The following SORCS1 variants were observed in gnomAD, a reference collection of about 807,000 sequenced individuals.
The protein encoded by SORCS1 is VPS10 domain-containing receptor SorCS1.
SORCS1 carries 60 observed loss-of-function variants against 146.1 expected under a neutral mutation model. The ratio of observed to expected loss-of-function variants is 0.41; its 90% confidence interval spans 0.33 to 0.51. SORCS1 has a LOEUF of 0.51. Ranked by LOEUF, SORCS1 falls within the 20% of genes least tolerant of loss-of-function variation. The pLI, the probability that SORCS1 is intolerant of heterozygous loss-of-function variation, is 0.21. For synonymous variants in SORCS1, 637 were observed against 584.0 expected (o/e 1.09, Z -1.31); for missense variants, 1,352 against 1,487.6 (o/e 0.91, Z 1.50).
chr10:106,720,541 TGA>T (rs1175958072), intron 6 of SORCS1, among the ~76,000 whole-genome samples: 1 of 147,062 alleles, frequency 6.8e-6, no homozygotes, highest in Non-Finnish European at 1.5e-5. Flanking sequence ...AGAAAATATG[TGA>T]GTAAATGCCG....
At chr10:106,996,213 C>A (rs957801864) in intron 1 of SORCS1, among the ~76,000 whole-genome samples, 1 of 133,066 alleles carries the variant, frequency 7.5e-6, no homozygotes, top group South Asian at 2.3e-4. Context: ...GGCGACAGAG[C>A]GAGACTCCAT....
chr10:106,982,708 G>A (rs917141915), intron 1 of SORCS1, among the ~76,000 whole-genome samples: 3 of 152,118 alleles, frequency 2.0e-5, no homozygotes, highest in African/African-American at 7.2e-5. Context: ...AAAAGATACA[G>A]CCAGGATGAT....
chr10:106,960,521 C>G lies in SORCS1; in HGVS notation c.559-3941G>C, dbSNP rs1053733061. Among the ~76,000 whole-genome samples the G allele has an allele frequency of 4.6e-5, 7 of 152,012 alleles. No individual in the cohort carries two copies. Among genetic ancestry groups the G allele is most frequent in the African/African-American group, 1.7e-4 (7 of 41,368 alleles). On this transcript the variant is annotated intron_variant, in intron 1 of 25. Transcript: ENST00000263054. This position sits in a 1 kb window ranked among gnomAD's most constrained non-coding sequence, Gnocchi z 4.4. ...ACAGGTTCAAGCAATTCTCCTGCCT[C>G]AGCCTCCCGAGTAGCTGAGACTACA...
chr10:106,822,399 G>C (rs1343344891), intron 3 of SORCS1, among the ~76,000 whole-genome samples: 2 of 152,108 alleles, frequency 1.3e-5, no homozygotes, highest in Non-Finnish European at 2.9e-5. Context: ...GGACTTCTTG[G>C]AGTGACAAGG....
intron 1 of SORCS1, among the ~76,000 whole-genome samples, chr10:106,983,850 A>T (rs1198552243): frequency 1.3e-5 from 2 of 152,198 alleles, no homozygotes; most frequent in Admixed American, 6.5e-5. Flanking sequence ...CAATTGTGGG[A>T]AATTTTCTAG....
At chr10:106,873,348 T>A in intron 2 of SORCS1, among the ~76,000 whole-genome samples, 1 of 152,034 alleles carries the variant, frequency 6.6e-6, no homozygotes, top group East Asian at 1.9e-4. Context: ...ATTTCCTTGA[T>A]ATTTATATTC....
the SORCS1 span, among the ~76,000 whole-genome samples, chr10:107,174,568 T>G: frequency 6.6e-6 from 1 of 152,086 alleles, no homozygotes; most frequent in African/African-American, 2.4e-5. Context: ...GTGACTATGA[T>G]CTCTTTATCT....
chr10:106,742,667 A>G (rs142943489), intron 5 of SORCS1, among the ~76,000 whole-genome samples: 111 of 152,310 alleles, frequency 7.3e-4, no homozygotes, highest in African/African-American at 2.6e-3. Context: ...GGTGTGAGTC[A>G]CCACGCCTGG....
chr10:106,717,201 C>A (rs1564891835), intron 6 of SORCS1, among the ~76,000 whole-genome samples: 3 of 152,174 alleles, frequency 2.0e-5, no homozygotes, highest in Admixed American at 1.3e-4. Flanking sequence ...ATTTTAAAGC[C>A]CATACAAGCG....
At chr10:106,900,217 G>A in intron 2 of SORCS1, among the ~76,000 whole-genome samples, 1 of 152,110 alleles carries the variant, frequency 6.6e-6, no homozygotes, top group East Asian at 1.9e-4. Flanking sequence ...TTCTCTGTTT[G>A]TAAAAACAAA....
At chr10:106,688,140 C>T in intron 10 of SORCS1, 52 bp downstream of exon 10, 2 of 1,578,328 alleles carry the variant, frequency 1.3e-6, no homozygotes, top group Admixed American at 1.9e-5. Context: ...GTTAAATATC[C>T]ATTTCCATCC....
intron 1 of SORCS1, among the ~76,000 whole-genome samples, chr10:107,081,806 C>G (rs72812925): frequency 0.014 from 2,165 of 152,282 alleles, 20 homozygotes; most frequent in South Asian, 0.027. Context: ...CTATCTCAGT[C>G]ATGAGGTATT....
At chr10:106,679,199 C>G in intron 12 of SORCS1, 57 bp downstream of exon 12, 2 of 1,416,266 alleles carry the variant, frequency 1.4e-6, no homozygotes, top group Non-Finnish European at 2.0e-6. Flanking sequence ...TTGAACCAAG[C>G]TGGGCAATTT....
chr10:106,648,350 T>C (rs1345821235), intron 18 of SORCS1, among the ~76,000 whole-genome samples: 2 of 152,196 alleles, frequency 1.3e-5, no homozygotes, highest in Non-Finnish European at 2.9e-5. Context: ...TTTGGATACG[T>C]TGGAGTCTAA....
At chr10:107,026,364 A>C (rs1485371513) in intron 1 of SORCS1, among the ~76,000 whole-genome samples, 3 of 152,172 alleles carry the variant, frequency 2.0e-5, no homozygotes, top group Non-Finnish European at 4.4e-5. Flanking sequence ...TCACGCCTGT[A>C]ACCCTAGTAC....
intron 1 of SORCS1, among the ~76,000 whole-genome samples, chr10:107,027,029 T>C (rs200544110): frequency 0.28 from 39,248 of 139,756 alleles, 6,268 homozygotes; most frequent in Admixed American, 0.37. Context: ...TGTATATATA[T>C]ATATAAAAAT....
chr10:106,696,293 T>C (rs1853699366), intron 9 of SORCS1, among the ~76,000 whole-genome samples: 1 of 152,232 alleles, frequency 6.6e-6, no homozygotes, highest in Non-Finnish European at 1.5e-5. Context: ...CTCATTTATC[T>C]CTAAACTCTC....
intron 5 of SORCS1, among the ~76,000 whole-genome samples, chr10:106,732,787 T>C (rs1433713061): frequency 3.3e-5 from 5 of 152,138 alleles, no homozygotes; most frequent in African/African-American, 1.2e-4. Flanking sequence ...GGCAAAGCTG[T>C]TGTTTCCAGT....
intron 2 of SORCS1, among the ~76,000 whole-genome samples, chr10:106,856,701 G>T (rs1212058510): frequency 6.6e-6 from 1 of 152,184 alleles, no homozygotes; most frequent in South Asian, 2.1e-4. Context: ...AAGTATGAGG[G>T]CCTCTCTGAT....
Sources: gnomAD v4.1 joint callset for allele counts (sites outside exome capture counted in the v4.1 genomes callset) on GRCh38, gnomAD v4.1.1 for gene constraint, Gnocchi (gnomAD v3.1) non-coding constraint, MANE v1.5 for transcripts, NCBI Gene and HGNC (gene_info 2026-07-23, HGNC 2026-07-21) for gene names.